Variants in KIAA0586 observed in about 807,000 individuals in gnomAD.
The protein encoded by KIAA0586 is protein TALPID3.
KIAA0586 carries 144 observed loss-of-function variants against 169.8 expected under a neutral mutation model. The observed-to-expected ratio is 0.85, with a 90% CI of 0.74 to 0.97. KIAA0586 has a LOEUF of 0.97. Among genes scored for constraint, KIAA0586 ranks in the 50% least tolerant of loss-of-function variants. The probability of loss-of-function intolerance (pLI) is 0.00; values close to 1 mark genes in which losing one functional copy is unlikely to be tolerated. For missense variants in KIAA0586, 1,854 were observed against 1,823.0 expected (o/e 1.02, Z -0.31); for synonymous variants, 625 against 612.4 (o/e 1.02, Z -0.30).
intron 21 of KIAA0586, among the ~76,000 whole-genome samples, chr14:58,484,789 A>G (rs1020104701): frequency 6.8e-6 from 1 of 146,388 alleles, no homozygotes; most frequent in Non-Finnish European, 1.5e-5. Context: ...TTTAAATTGC[A>G]TCTTAATTTG....
rs1215786868 is a variant in KIAA0586, at chr14:58,461,135, A to C, written c.2034A>C (p.Arg678Ser). The C allele has an allele frequency of 6.3e-7, 1 of 1,591,866 alleles. No homozygotes were observed. Among genetic ancestry groups the C allele is most frequent in the Non-Finnish European group, 8.5e-7 (1 of 1,172,358 alleles). Residue 678 changes from arginine (R) to serine (S), a missense_variant, in exon 14 of 31, where the codon AGA (arginine) becomes AGC (serine). Physicochemically the swap from Arg to Ser is moderately radical, Grantham distance 110. Coordinates refer to ENST00000652326, the MANE Select transcript of KIAA0586 (RefSeq NM_001329943.3). ...CATCTCCTAAGTCCAGACCACAGAG[A>C]CCAAAAGTAATAGAACGAGTTAAAG... The part of the protein sequence containing the change: ...NSPSPKSRPQ[R>S]PKVIERVKGT...
intron 6 of KIAA0586, among the ~76,000 whole-genome samples, chr14:58,445,823 G>A (rs1043511354): frequency 7.3e-6 from 1 of 136,268 alleles, no homozygotes; most frequent in Non-Finnish European, 1.5e-5. Context: ...GGAATGATCA[G>A]CATTGTAAAT....
chr14:58,467,675 A>G, intron 15 of KIAA0586, 60 bp from the exon 16 acceptor site: 1 of 1,244,364 alleles, frequency 8.0e-7, no homozygotes, highest in South Asian at 1.4e-5. Flanking sequence ...CAGATGGTAT[A>G]TTAGACTTTT....
In KIAA0586 at chr14:58,549,696, C is replaced by G. The variant is rs2047156331; in HGVS notation, c.*1764C>G. On this transcript the variant is annotated 3_prime_UTR_variant, in exon 31 of 31. Transcript: ENST00000652326. ...ATTTTAATTTGTTTTTGATATTCAT[C>G]TACAAGACTCTGGGCAAGGTGAAAG... 6.6e-6 allele frequency: 1 copy of G among 152,196 alleles called. No individual in the cohort carries two copies. Among genetic ancestry groups the G allele is most frequent in the Admixed American group, 6.5e-5 (1 of 15,274 alleles). The allele number at this position is 152,196 out of a possible 1,614,324, so 9.4% of individuals were successfully genotyped here.
intron 26 of KIAA0586, among the ~76,000 whole-genome samples, chr14:58,497,099 C>G (rs936173149): frequency 6.6e-6 from 1 of 151,528 alleles, no homozygotes; most frequent in Non-Finnish European, 1.5e-5. Flanking sequence ...TTCAGCCTCT[C>G]GAGTAGCTGG....
At position 58,487,870 on chromosome 14, in the gene KIAA0586, T is replaced by TTTA; in HGVS notation, c.3305-17_3305-16insTTA. On this transcript the variant is annotated splice_polypyrimidine_tract_variant and intron_variant, in intron 22 of 30. Transcript: ENST00000652326. Reference sequence around the variant, plus strand: ...TGACTACTATCTTTTTCTGTCCTTTTAAAAAAAAACCTTTAGGAGATGATA... The same window carrying TTTA: ...TGACTACTATCTTTTTCTGTCCTTTTTTAAAAAAAAAACCTTTAGGAGATGATA... 2.2e-6 allele frequency: 3 copies of TTTA among 1,369,884 alleles called. No individual in the cohort carries two copies. The highest frequency in any genetic ancestry group is 2.0e-5 in the Admixed American group (1 of 49,508). 84.9% of individuals were successfully genotyped at this position (1,369,884 alleles called of 1,614,324 possible).
chr14:58,486,176 C>T (rs887191525), intron 21 of KIAA0586, among the ~76,000 whole-genome samples: 2 of 152,288 alleles, frequency 1.3e-5, no homozygotes, highest in East Asian at 3.9e-4. Flanking sequence ...ATGTTTAGCT[C>T]TCACTTATAA....
At chr14:58,527,222 C>T (rs1209166303) in intron 29 of KIAA0586, among the ~76,000 whole-genome samples, 2 of 152,128 alleles carry the variant, frequency 1.3e-5, no homozygotes, top group African/African-American at 2.4e-5. Flanking sequence ...ACCAAACCTA[C>T]ATCTGATTGG....
chr14:58,487,337 G>A (rs1226484990), intron 22 of KIAA0586, among the ~76,000 whole-genome samples, 171 bp downstream of exon 22: 1 of 152,190 alleles, frequency 6.6e-6, no homozygotes, highest in Non-Finnish European at 1.5e-5. Context: ...AGGCAGGCAT[G>A]GTGGCTCACG....
intron 6 of KIAA0586, among the ~76,000 whole-genome samples, chr14:58,447,139 A>G (rs2038961721): frequency 6.6e-6 from 1 of 152,196 alleles, no homozygotes; most frequent in Non-Finnish European, 1.5e-5. Context: ...TACATACTGG[A>G]TATATTAGTT....
At chr14:58,466,175 CA>C in intron 15 of KIAA0586, 146 bp downstream of exon 15, 1 of 579,932 alleles carries the variant, frequency 1.7e-6, no homozygotes, top group Non-Finnish European at 2.9e-6. Flanking sequence ...CTCAACCTCT[CA>C]AAGTGCTGGG....
chr14:58,483,740 A>G (rs1038596155), intron 21 of KIAA0586, among the ~76,000 whole-genome samples: 5 of 152,222 alleles, frequency 3.3e-5, no homozygotes, highest in Non-Finnish European at 7.4e-5. Flanking sequence ...ATGAAATTAT[A>G]CAAAGCCAAA....
chr14:58,520,020 T>G (rs988361862), intron 29 of KIAA0586, among the ~76,000 whole-genome samples: 1 of 152,200 alleles, frequency 6.6e-6, no homozygotes, highest in Non-Finnish European at 1.5e-5. Flanking sequence ...AGTATTAACA[T>G]ACATTTTTAT....
At chr14:58,556,331 G>C in the KIAA0586 span, among the ~76,000 whole-genome samples, 1 of 152,178 alleles carries the variant, frequency 6.6e-6, no homozygotes, top group Non-Finnish European at 1.5e-5. Flanking sequence ...GTTATTTTAA[G>C]GTAAGTCATC....
chr14:58,465,802 T>C (rs1202279447), intron 14 of KIAA0586, 33 bp from the exon 15 acceptor site: 1 of 1,338,204 alleles, frequency 7.5e-7, no homozygotes, highest in South Asian at 1.4e-5. Context: ...TCTAACAATA[T>C]TTTAAAATAT....
intron 4 of KIAA0586, among the ~76,000 whole-genome samples, chr14:58,436,150 A>G (rs2037805765): frequency 6.6e-6 from 1 of 152,226 alleles, no homozygotes; most frequent in Non-Finnish European, 1.5e-5. Flanking sequence ...TAGCAGTTAG[A>G]TAAGAAAATG....
chr14:58,483,113 C>T (rs1477304249), intron 21 of KIAA0586, among the ~76,000 whole-genome samples: 1 of 152,122 alleles, frequency 6.6e-6, no homozygotes, highest in Non-Finnish European at 1.5e-5. Context: ...CTTGCATACT[C>T]GACTCTCACA....
chr14:58,536,508 C>T (rs2046300846), intron 29 of KIAA0586, among the ~76,000 whole-genome samples: 1 of 152,062 alleles, frequency 6.6e-6, no homozygotes, highest in African/African-American at 2.4e-5. Context: ...TGTAGTATTC[C>T]TTGAAAAATA....
At chr14:58,434,948 C>G (rs1351736012) in intron 4 of KIAA0586, among the ~76,000 whole-genome samples, 6 of 151,888 alleles carry the variant, frequency 4.0e-5, no homozygotes, top group Admixed American at 6.6e-5. Flanking sequence ...GCCACCACAT[C>G]CAGCTAACTT....
Sources: gnomAD v4.1 joint callset for allele counts (sites outside exome capture counted in the v4.1 genomes callset) on GRCh38, gnomAD v4.1.1 for gene constraint, MANE v1.5 for transcripts, NCBI Gene and HGNC (gene_info 2026-07-23, HGNC 2026-07-21) for gene names.